Variants in ANKRD13C observed in about 807,000 individuals in gnomAD.
ANKRD13C encodes the protein ankyrin repeat domain 13C.
A neutral mutation model predicts 65.5 loss-of-function variants in ANKRD13C; 16 were observed. That is an observed-to-expected ratio of 0.24 (90% confidence interval 0.17 to 0.37). The LOEUF (loss-of-function observed/expected upper bound fraction) is 0.37, where lower values mean the gene tolerates loss of function less well. ANKRD13C is among the 10% of genes least tolerant of loss of function. The pLI is 1.00. For synonymous variants in ANKRD13C, 235 were observed against 238.7 expected (o/e 0.98, Z 0.14); for missense variants, 503 against 655.9 (o/e 0.77, Z 2.55).
intron 5 of ANKRD13C, among the ~76,000 whole-genome samples, chr1:70,308,517 A>C (rs1680687455): frequency 6.6e-6 from 1 of 152,002 alleles, no homozygotes; most frequent in African/African-American, 2.4e-5. Flanking sequence ...AGGCGGGCAG[A>C]TCACGAGGTC....
At chr1:70,314,359 C>T (rs1016330191) in intron 4 of ANKRD13C, among the ~76,000 whole-genome samples, 2 of 151,772 alleles carry the variant, frequency 1.3e-5, no homozygotes, top group African/African-American at 4.8e-5. Flanking sequence ...GCTGGGACTA[C>T]AGGCGCCTGC....
intron 1 of ANKRD13C, among the ~76,000 whole-genome samples, chr1:70,352,404 C>T (rs1572195684): frequency 1.4e-5 from 2 of 142,744 alleles, no homozygotes; most frequent in South Asian, 4.4e-4. Flanking sequence ...TAAGAGTATA[C>T]AGGATTCTAA....
intron 10 of ANKRD13C, 79 bp from the exon 11 acceptor site, chr1:70,274,897 A>G (rs545039989): frequency 4.7e-6 from 4 of 850,016 alleles, no homozygotes; most frequent in Non-Finnish European, 3.9e-6. Context: ...GTCATCTTTC[A>G]ATGACATTCA....
Position 70,294,908 on chromosome 1 carries a change from T to C in ANKRD13C, c.1053+1222A>G, listed in dbSNP as rs143459978. Reference sequence around the variant, plus strand: ...TTTACTAAATTTCCAGCCTGCTAGATTGCTCTACATTTCAGATTTGCCAAC... The same window carrying C: ...TTTACTAAATTTCCAGCCTGCTAGACTGCTCTACATTTCAGATTTGCCAAC... On this transcript the variant is annotated intron_variant, in intron 8 of 12. Coordinates refer to ENST00000370944, the MANE Select transcript of ANKRD13C (RefSeq NM_030816.5). Among the ~76,000 whole-genome samples the C allele has an allele frequency of 4.3e-3, 658 of 152,282 alleles. 6 individuals carry two copies. Among genetic ancestry groups the C allele is most frequent in the South Asian group, 0.038 (185 of 4,824 alleles).
intron 3 of ANKRD13C, among the ~76,000 whole-genome samples, chr1:70,319,404 A>G (rs61782670): frequency 0.2 from 30,631 of 151,822 alleles, 3,352 homozygotes; most frequent in East Asian, 0.4. Context: ...TCAGGAGTTC[A>G]AGACCAGCCT....
intron 1 of ANKRD13C, among the ~76,000 whole-genome samples, chr1:70,346,948 C>T (rs1418965315): frequency 5.9e-5 from 9 of 151,898 alleles, no homozygotes; most frequent in South Asian, 2.1e-4. Flanking sequence ...AAAAACTAGC[C>T]GGGCGTGGTG....
chr1:70,292,552 A>G lies in ANKRD13C; in HGVS notation c.1054-3T>C. Reference sequence around the variant, plus strand: ...GCCAAAAAGTTTCCTACTCTTTCCTAAAACAAAACCAAATATTTAAAAGTA... The same window carrying G: ...GCCAAAAAGTTTCCTACTCTTTCCTGAAACAAAACCAAATATTTAAAAGTA... On this transcript the variant is annotated splice_region_variant and splice_polypyrimidine_tract_variant and intron_variant, in intron 8 of 12. Coordinates refer to ENST00000370944, the MANE Select transcript of ANKRD13C (RefSeq NM_030816.5). The G allele has an allele frequency of 1.3e-6, 2 of 1,580,342 alleles. No individual in the cohort carries two copies. The highest frequency in any genetic ancestry group is 1.7e-6 in the Non-Finnish European group (2 of 1,171,282).
intron 9 of ANKRD13C, 137 bp downstream of exon 9, chr1:70,292,251 G>T: frequency 1.6e-6 from 1 of 607,598 alleles, no homozygotes; most frequent in Non-Finnish European, 2.5e-6. Flanking sequence ...TCAACGAAAT[G>T]AAGATTCACA....
At chr1:70,275,102 C>A (rs1442046340) in intron 10 of ANKRD13C, among the ~76,000 whole-genome samples, 1 of 151,998 alleles carries the variant, frequency 6.6e-6, no homozygotes, top group African/African-American at 2.4e-5. Flanking sequence ...TAAAGAAAAT[C>A]ATTAGTAAAA....
rs779462109 is a variant in ANKRD13C at position 70,309,732 on chromosome 1, A to AAATAAT, written c.710-3448_710-3443dup. Among the ~76,000 whole-genome samples, 252 of 106,948 alleles carry AAATAAT rather than the reference A, an allele frequency of 2.4e-3. 6 individuals carry two copies. Among genetic ancestry groups the AAATAAT allele is most frequent in the South Asian group, 5.0e-3 (15 of 2,980 alleles). 70.2% of individuals were successfully genotyped at this position (106,948 alleles called of 152,430 possible). ...CTCCGTCGCAAAAAAAAAAAAAAAA[A>AAATAAT]AATAATAATAATAATAATATACAAA... On this transcript the variant is annotated intron_variant, in intron 5 of 12. Transcript: ENST00000370944.
intron 2 of ANKRD13C, among the ~76,000 whole-genome samples, chr1:70,333,453 CT>C (rs895981661): frequency 6.6e-6 from 1 of 152,182 alleles, no homozygotes; most frequent in Non-Finnish European, 1.5e-5. Flanking sequence ...AACATACTTC[CT>C]TTGTATTCCT....
intron 5 of ANKRD13C, among the ~76,000 whole-genome samples, chr1:70,312,773 A>C (rs531115375): frequency 6.6e-6 from 1 of 152,230 alleles, no homozygotes; most frequent in East Asian, 1.9e-4. Flanking sequence ...AAAACAACAA[A>C]ATTTAGTTGT....
chr1:70,336,717 C>G (rs78527593), intron 1 of ANKRD13C, among the ~76,000 whole-genome samples: 70 of 152,106 alleles, frequency 4.6e-4, no homozygotes, highest in African/African-American at 1.7e-3. Flanking sequence ...AATCACCACT[C>G]AAGTGCAGAA....
intron 2 of ANKRD13C, among the ~76,000 whole-genome samples, chr1:70,335,134 C>T (rs777974830): frequency 4.0e-5 from 6 of 151,784 alleles, no homozygotes; most frequent in Middle Eastern, 3.2e-3. Flanking sequence ...CATTTGGGTG[C>T]GGTGGCTCAC....
intron 3 of ANKRD13C, among the ~76,000 whole-genome samples, chr1:70,317,788 C>T (rs1169131100): frequency 6.6e-6 from 1 of 152,022 alleles, no homozygotes; most frequent in African/African-American, 2.4e-5. Context: ...ATCTACCTTG[C>T]CTTCAGATTG....
intron 9 of ANKRD13C, among the ~76,000 whole-genome samples, chr1:70,279,895 C>T (rs1257126168): frequency 6.6e-6 from 1 of 152,044 alleles, no homozygotes; most frequent in Non-Finnish European, 1.5e-5. Context: ...TCTTTTGGTA[C>T]GAGAGTCCAT....
chr1:70,332,257 C>T (rs1303254897), intron 2 of ANKRD13C, among the ~76,000 whole-genome samples: 1 of 152,190 alleles, frequency 6.6e-6, no homozygotes, highest in Non-Finnish European at 1.5e-5. Context: ...CAACTTGAAA[C>T]ATTACAATGC....
At chr1:70,296,088 C>T (rs376778443) in intron 8 of ANKRD13C, 42 bp downstream of exon 8, 17 of 1,597,206 alleles carry the variant, frequency 1.1e-5, no homozygotes, top group South Asian at 3.4e-5. Context: ...ATATTAAATA[C>T]CGAACAATGC....
intron 12 of ANKRD13C, among the ~76,000 whole-genome samples, chr1:70,269,506 C>A (rs1678784002): frequency 6.6e-6 from 1 of 152,152 alleles, no homozygotes; most frequent in South Asian, 2.1e-4. Flanking sequence ...ATTTCCCTCA[C>A]CATAGAAAAT....
Sources: gnomAD v4.1 joint callset for allele counts (sites outside exome capture counted in the v4.1 genomes callset) on GRCh38, gnomAD v4.1.1 for gene constraint, MANE v1.5 for transcripts, NCBI Gene and HGNC (gene_info 2026-07-23, HGNC 2026-07-21) for gene names.